Variants in CPNE4 observed in about 807,000 individuals in gnomAD.
The protein encoded by CPNE4 is copine 4, also known as copine-4.
CPNE4 carries 25 observed loss-of-function variants against 67.9 expected under a neutral mutation model. That is an observed-to-expected ratio of 0.37 (90% CI 0.27 to 0.51). The LOEUF (loss-of-function observed/expected upper bound fraction) is 0.51. Ranked by LOEUF, CPNE4 falls within the 20% of genes least tolerant of loss-of-function variation. The pLI, the probability that CPNE4 is intolerant of heterozygous loss-of-function variation, is 0.93. For missense variants in CPNE4, 464 were observed against 690.8 expected (o/e 0.67, Z 3.68); for synonymous variants, 242 against 244.9 (o/e 0.99, Z 0.11).
intron 2 of CPNE4, among the ~76,000 whole-genome samples, chr3:131,901,995 A>G (rs549489228): frequency 9.9e-5 from 15 of 152,058 alleles, no homozygotes; most frequent in South Asian, 6.2e-4. Context: ...CACAGCCCCT[A>G]TTTAGGTTTT....
intron 1 of CPNE4, among the ~76,000 whole-genome samples, chr3:131,999,949 TTAAA>T (rs968377102): frequency 1.8e-4 from 28 of 152,122 alleles, no homozygotes; most frequent in African/African-American, 6.7e-4. Context: ...TTCTAGTTAA[TTAAA>T]TGATAAATCC....
At chr3:131,976,440 A>G (rs55670874) in intron 1 of CPNE4, among the ~76,000 whole-genome samples, 16,898 of 152,116 alleles carry the variant, frequency 0.11, 3,109 homozygotes, top group African/African-American at 0.38. Flanking sequence ...AGATGCTCTA[A>G]AAGAAAAAGA....
intron 2 of CPNE4, among the ~76,000 whole-genome samples, chr3:131,813,979 T>C (rs1337972601): frequency 6.6e-6 from 1 of 152,208 alleles, no homozygotes; most frequent in Non-Finnish European, 1.5e-5. Flanking sequence ...TCTATCTGAC[T>C]GACACACGGC....
intron 2 of CPNE4, among the ~76,000 whole-genome samples, chr3:131,852,911 G>A (rs1260537765): frequency 4.0e-5 from 6 of 151,452 alleles, no homozygotes; most frequent in Non-Finnish European, 5.9e-5. Context: ...AGCAAAGCAT[G>A]TACAAACTAT....
chr3:131,870,649 A>T (rs4854844), intron 2 of CPNE4, among the ~76,000 whole-genome samples: 92,706 of 151,852 alleles, frequency 0.61, 28,606 homozygotes, highest in Admixed American at 0.72. Context: ...TCCTTCTTTT[A>T]TAAACAGCCA....
At chr3:131,794,266 T>G (rs922505) in intron 2 of CPNE4, among the ~76,000 whole-genome samples, 27,302 of 150,656 alleles carry the variant, frequency 0.18, 3,210 homozygotes, top group Non-Finnish European at 0.25. Flanking sequence ...TTAGATGGAG[T>G]CTTGCTGTGT....
chr3:131,698,437 AG>A (rs548273576), intron 4 of CPNE4, among the ~76,000 whole-genome samples: 261 of 151,960 alleles, frequency 1.7e-3, no homozygotes, highest in African/African-American at 6.1e-3. Context: ...AGCTTTTCAG[AG>A]CACCATCAGT....
chr3:131,746,281 T>C (rs2082487501), intron 2 of CPNE4, among the ~76,000 whole-genome samples: 1 of 152,098 alleles, frequency 6.6e-6, no homozygotes, highest in African/African-American at 2.4e-5. Flanking sequence ...AATTAGAACA[T>C]TAAAATCACT....
At chr3:131,851,253 A>C (rs1378498618) in intron 2 of CPNE4, among the ~76,000 whole-genome samples, 1 of 152,134 alleles carries the variant, frequency 6.6e-6, no homozygotes, top group African/African-American at 2.4e-5. Flanking sequence ...TGAAGGTTTA[A>C]AAATGAGACT....
chr3:131,844,983 T>C (rs1285425527), intron 2 of CPNE4, among the ~76,000 whole-genome samples: 1 of 152,232 alleles, frequency 6.6e-6, no homozygotes, highest in African/African-American at 2.4e-5. Context: ...GTTTATACCT[T>C]TGTTATTTAA....
chr3:131,733,231 A>G (rs571261704), intron 2 of CPNE4, among the ~76,000 whole-genome samples: 25 of 152,276 alleles, frequency 1.6e-4, no homozygotes, highest in African/African-American at 5.5e-4. Flanking sequence ...CCATCTGACC[A>G]CAGCAATTTT....
At position 131,559,410 on chromosome 3, in the gene CPNE4, T is replaced by C. The variant is rs377428152; in HGVS notation, c.1062-3859A>G. Among the ~76,000 whole-genome samples the C allele has an allele frequency of 1.8e-4, 28 of 152,118 alleles. No homozygotes were observed. In the South Asian group the frequency reaches 5.8e-3, roughly 32 times the overall value. ...AATAGGTAGCACTCATCCACAGGTC[T>C]ATAAACAAATTGGAAAAACACCCCA... On this transcript the variant is annotated intron_variant, in intron 11 of 15. Transcript: ENST00000429747.
intron 1 of CPNE4, among the ~76,000 whole-genome samples, chr3:131,970,134 T>C (rs1352894484): frequency 6.6e-6 from 1 of 152,218 alleles, no homozygotes; most frequent in East Asian, 1.9e-4. Context: ...TCTGTTTCAC[T>C]TTGAGAATCA....
intron 2 of CPNE4, among the ~76,000 whole-genome samples, chr3:131,892,742 G>A (rs2088165052): frequency 6.6e-6 from 1 of 152,036 alleles, no homozygotes; most frequent in African/African-American, 2.4e-5. Context: ...CCAAACTTAA[G>A]TTGTGATCAG....
At chr3:131,884,984 G>A (rs1032702827) in intron 2 of CPNE4, among the ~76,000 whole-genome samples, 2 of 152,148 alleles carry the variant, frequency 1.3e-5, no homozygotes, top group African/African-American at 2.4e-5. Context: ...ACCAAGAGTG[G>A]AGTGTTGCTG....
chr3:131,763,238 A>T (rs1583160091), intron 2 of CPNE4, among the ~76,000 whole-genome samples: 1 of 152,070 alleles, frequency 6.6e-6, no homozygotes, highest in Admixed American at 6.6e-5. Flanking sequence ...TTAGCAACTG[A>T]CTTAATAACT....
chr3:131,916,584 G>T (rs895362426), intron 1 of CPNE4, among the ~76,000 whole-genome samples: 1 of 152,040 alleles, frequency 6.6e-6, no homozygotes, highest in South Asian at 2.1e-4. Context: ...AAAGAAGAGG[G>T]GGTTGAACAG....
intron 1 of CPNE4, among the ~76,000 whole-genome samples, chr3:131,934,373 G>T (rs1251853215): frequency 6.6e-6 from 1 of 152,098 alleles, no homozygotes; most frequent in African/African-American, 2.4e-5. Flanking sequence ...TAGGATGTTT[G>T]TTATAAAATG....
chr3:131,980,994 A>C (rs1281801592), intron 1 of CPNE4, among the ~76,000 whole-genome samples: 1 of 151,810 alleles, frequency 6.6e-6, no homozygotes, highest in Non-Finnish European at 1.5e-5. Context: ...AAGTCTACCC[A>C]GTTTTGAGCT....
Sources: gnomAD v4.1 joint callset for allele counts (sites outside exome capture counted in the v4.1 genomes callset) on GRCh38, gnomAD v4.1.1 for gene constraint, MANE v1.5 for transcripts, NCBI Gene and HGNC (gene_info 2026-07-23, HGNC 2026-07-21) for gene names.